Variants in GPC6 observed in about 807,000 individuals in gnomAD.
GPC6 encodes glypican 6, also known as glypican-6.
In GPC6, 14 loss-of-function variants were observed where a neutral mutation model predicts 55.2. The ratio of observed to expected loss-of-function variants is 0.25; its 90% CI spans 0.17 to 0.40. The LOEUF (loss-of-function observed/expected upper bound fraction) is 0.40, where lower values mean the gene tolerates loss of function less well. Among genes scored for constraint, GPC6 ranks in the 10% least tolerant of loss-of-function variants. The pLI is 1.00. For missense variants in GPC6, 641 were observed against 708.5 expected (o/e 0.90, Z 1.08); for synonymous variants, 278 against 259.6 (o/e 1.07, Z -0.68).
intron 2 of GPC6, among the ~76,000 whole-genome samples, chr13:93,744,565 A>G (rs1355167395): frequency 4.7e-5 from 5 of 105,392 alleles, no homozygotes; most frequent in African/African-American, 1.9e-4. Context: ...ACAGTTGATC[A>G]ATTCCTCCAC....
chr13:93,356,695 C>T (rs926184160), intron 1 of GPC6, among the ~76,000 whole-genome samples: 1 of 152,194 alleles, frequency 6.6e-6, no homozygotes, highest in African/African-American at 2.4e-5. Flanking sequence ...AGACAAAAGA[C>T]AGCCATCAGT....
At chr13:93,294,329 A>T (rs16948610) in intron 1 of GPC6, among the ~76,000 whole-genome samples, 4,341 of 152,298 alleles carry the variant, frequency 0.029, 182 homozygotes, top group African/African-American at 0.087. Flanking sequence ...TTTGGCTGAA[A>T]CAATGAATAT....
chr13:93,917,728 A>G (rs1257538728), intron 3 of GPC6, among the ~76,000 whole-genome samples: 1 of 152,156 alleles, frequency 6.6e-6, no homozygotes, highest in Non-Finnish European at 1.5e-5. Context: ...TGTGGGTGCG[A>G]CCCCAGCCAC....
In GPC6 at chr13:93,632,593, ATATGTATATGTGTGTATATATATG is replaced by A. The variant is rs1879498985; in HGVS notation, c.319+87176_319+87199del. ...GACAGAGCCAAACCATGTCTCAAAT[ATATGTATATGTGTGTATATATATG>A]TATATATATATATATATATAATAAA... On this transcript the variant is annotated intron_variant, in intron 2 of 8. Transcript: ENST00000377047. 1.1e-4 allele frequency among the ~76,000 whole-genome samples: 8 copies of A among 75,184 alleles called. No individual in the cohort carries two copies. The South Asian group carries it at 3.8e-3, about 35-fold the overall frequency. The allele number at this position is 75,184 out of a possible 152,430, so 49.3% of individuals were successfully genotyped here.
intron 2 of GPC6, among the ~76,000 whole-genome samples, chr13:93,650,460 C>T (rs928195667): frequency 2.0e-5 from 3 of 149,402 alleles, no homozygotes; most frequent in African/African-American, 7.3e-5. Flanking sequence ...AATCATGCTC[C>T]CCAAAGGAAT....
At chr13:93,445,293 C>T (rs1877961466) in intron 1 of GPC6, among the ~76,000 whole-genome samples, 1 of 152,124 alleles carries the variant, frequency 6.6e-6, no homozygotes, top group African/African-American at 2.4e-5. Flanking sequence ...TATCTGAGTG[C>T]ATGTAACCTC....
chr13:93,292,273 G>A (rs1461217565), intron 1 of GPC6, among the ~76,000 whole-genome samples: 2 of 152,154 alleles, frequency 1.3e-5, no homozygotes, highest in Non-Finnish European at 2.9e-5. Context: ...CAGTGAATGT[G>A]TAACTTCTAC....
rs145366475 is a variant in GPC6, at chr13:93,811,057, C to CA, written c.320-19096dup. The stretch of plus-strand genomic sequence containing the variant: ...GCACTTAATGCCACATCAAATGCAA[C>CA]ATCAAATTACCTTGTATTCATTTAA... On this transcript the variant is annotated intron_variant, in intron 2 of 8. Coordinates refer to ENST00000377047, the MANE Select transcript of GPC6 (RefSeq NM_005708.5). Among the ~76,000 whole-genome samples, 707 of 152,290 alleles carry CA rather than the reference C, an allele frequency of 4.6e-3. 8 individuals are homozygous for CA. Among genetic ancestry groups the CA allele is most frequent in the African/African-American group, 0.016 (678 of 41,568 alleles).
At chr13:93,466,155 TGTGAATAATG>T (rs139222819) in intron 1 of GPC6, among the ~76,000 whole-genome samples, 27,533 of 151,834 alleles carry the variant, frequency 0.18, 2,997 homozygotes, top group East Asian at 0.47. Flanking sequence ...GCACATACTG[TGTGAATAATG>T]GTGCTGATAT....
intron 6 of GPC6, among the ~76,000 whole-genome samples, chr13:94,345,998 C>T (rs1319110097): frequency 6.6e-6 from 1 of 152,080 alleles, no homozygotes; most frequent in Admixed American, 6.6e-5. Context: ...TAGTGGATTT[C>T]CCAACAACCC....
intron 3 of GPC6, among the ~76,000 whole-genome samples, chr13:93,859,084 T>C (rs1310395450): frequency 6.6e-6 from 1 of 151,606 alleles, no homozygotes; most frequent in Admixed American, 6.6e-5. Flanking sequence ...TATACTATTA[T>C]ATCTTCAATT....
At chr13:93,394,125 A>G (rs1270161543) in intron 1 of GPC6, among the ~76,000 whole-genome samples, 1 of 152,118 alleles carries the variant, frequency 6.6e-6, no homozygotes, top group Non-Finnish European at 1.5e-5. Context: ...AAATATTACT[A>G]CCTCTATAAA....
At chr13:93,426,312 T>G (rs1490947145) in intron 1 of GPC6, among the ~76,000 whole-genome samples, 1 of 151,998 alleles carries the variant, frequency 6.6e-6, no homozygotes, top group Non-Finnish European at 1.5e-5. Context: ...TGTATACATG[T>G]GCCATGCTGG....
intron 1 of GPC6, among the ~76,000 whole-genome samples, chr13:93,277,603 G>A (rs1242404023): frequency 2.6e-5 from 4 of 152,134 alleles, no homozygotes; most frequent in African/African-American, 9.7e-5. Flanking sequence ...GAGATTTCTA[G>A]AGACTGAAAA....
intron 1 of GPC6, among the ~76,000 whole-genome samples, chr13:93,505,858 G>A (rs1188949493): frequency 1.3e-5 from 2 of 152,112 alleles, no homozygotes; most frequent in African/African-American, 4.8e-5. Flanking sequence ...ATTACTTTGG[G>A]ACATAGGAAT....
At chr13:94,353,815 G>T (rs1212834917) in intron 6 of GPC6, among the ~76,000 whole-genome samples, 4 of 152,120 alleles carry the variant, frequency 2.6e-5, no homozygotes. Context: ...TGCCATTCTT[G>T]CTTCAATAAT....
At chr13:93,793,353 T>C (rs1886103851) in intron 2 of GPC6, among the ~76,000 whole-genome samples, 1 of 152,196 alleles carries the variant, frequency 6.6e-6, no homozygotes, top group South Asian at 2.1e-4. Context: ...GACTGTGAGA[T>C]ACTAAACTAT....
chr13:93,893,184 C>T (rs1378521835), intron 3 of GPC6, among the ~76,000 whole-genome samples: 1 of 151,858 alleles, frequency 6.6e-6, no homozygotes, highest in Admixed American at 6.6e-5. Flanking sequence ...CTCAGCCTTC[C>T]GAATAGCTGG....
At chr13:94,301,611 G>A (rs1271787997) in intron 5 of GPC6, among the ~76,000 whole-genome samples, 1 of 152,122 alleles carries the variant, frequency 6.6e-6, no homozygotes, top group African/African-American at 2.4e-5. Flanking sequence ...TATCATCATA[G>A]TGTATCTGTG....
Sources: gnomAD v4.1 joint callset for allele counts (sites outside exome capture counted in the v4.1 genomes callset) on GRCh38, gnomAD v4.1.1 for gene constraint, MANE v1.5 for transcripts, NCBI Gene and HGNC (gene_info 2026-07-23, HGNC 2026-07-21) for gene names.